ABCC1: variants seen among roughly 807,000 people sequenced by gnomAD.
ABCC1 encodes multidrug resistance-associated protein 1.
Under a neutral mutation model 172.9 loss-of-function variants are expected in ABCC1, and 83 were observed. The observed-to-expected ratio is 0.48, with a 90% CI of 0.40 to 0.58. ABCC1 has a LOEUF of 0.58. Ranked by LOEUF, ABCC1 falls within the 20% of genes least tolerant of loss-of-function variation. The pLI is 0.00. For synonymous variants in ABCC1, 937 were observed against 825.2 expected (o/e 1.14, Z -2.32); for missense variants, 1,817 against 2,002.7 (o/e 0.91, Z 1.77).
chr16:16,021,281 A>T (rs2048183464), intron 5 of ABCC1, among the ~76,000 whole-genome samples: 1 of 151,664 alleles, frequency 6.6e-6, no homozygotes, highest in East Asian at 1.9e-4. Context: ...GTATGCACAG[A>T]TGTTCTGAAG....
chr16:15,976,483 A>T (rs983153432), intron 1 of ABCC1, among the ~76,000 whole-genome samples: 3 of 152,150 alleles, frequency 2.0e-5, no homozygotes, highest in African/African-American at 7.2e-5. Flanking sequence ...TGACAGGACT[A>T]GACTGAAACC....
At chr16:16,131,046 G>A (rs1052390162) in intron 26 of ABCC1, among the ~76,000 whole-genome samples, 1 of 152,110 alleles carries the variant, frequency 6.6e-6, no homozygotes, top group Non-Finnish European at 1.5e-5. Flanking sequence ...GCTTGAACCT[G>A]GGAGGCAGGG....
intron 1 of ABCC1, among the ~76,000 whole-genome samples, chr16:15,997,194 C>T (rs1003473144): frequency 6.6e-5 from 10 of 150,990 alleles, no homozygotes; most frequent in South Asian, 2.1e-4. Context: ...TGGGTTCAAG[C>T]GATTCTCCTG....
At position 16,016,543 on chromosome 16, in the gene ABCC1, T is replaced by C. The variant is rs780398560; in HGVS notation, c.537T>C (p.Phe179=). ...LFRDITFYVY[F]SLLLIQLVLS... ...GTGACATCACTTTCTACGTCTACTTTTCCCTCTTACTCATTCAGCTCGTCT... is the reference window on the plus strand; with the variant it reads ...GTGACATCACTTTCTACGTCTACTTCTCCCTCTTACTCATTCAGCTCGTCT... Residue 179 remains phenylalanine (F), a synonymous_variant, in exon 5 of 31, where the codon TTT becomes TTC. Transcript: ENST00000399410. 15 of 1,614,182 alleles carry C rather than the reference T, an allele frequency of 9.3e-6. No homozygotes were observed. In the East Asian group the frequency reaches 3.1e-4, roughly 34 times the overall value.
chr16:16,098,526 G>A (rs1297846471), intron 19 of ABCC1, among the ~76,000 whole-genome samples: 2 of 152,230 alleles, frequency 1.3e-5, no homozygotes, highest in Non-Finnish European at 2.9e-5. Context: ...GGCTGAGGCT[G>A]GAGAATTGCT....
chr16:16,116,093 A>G (rs1034356702), intron 23 of ABCC1, among the ~76,000 whole-genome samples: 5 of 151,646 alleles, frequency 3.3e-5, no homozygotes, highest in African/African-American at 1.2e-4. Flanking sequence ...TTCAGTAGAG[A>G]CAAGGTTTCA....
rs368961550 is a variant in ABCC1, at chr16:16,125,818, G to A, written c.3726G>A (p.Thr1242=). ...GACTCTTCCACTCACAGGTCACCAC[G>A]TACTTGAACTGGCTGGTTCGGATGT... ...LSVSYSLQVT[T]YLNWLVRMSS... Residue 1242 remains threonine, a synonymous_variant, in exon 26 of 31, where the codon ACG becomes ACA. Transcript: ENST00000399410. 62 of 1,613,306 alleles carry A rather than the reference G, an allele frequency of 3.8e-5. No homozygotes were observed. Among genetic ancestry groups the A allele is most frequent in the African/African-American group, 3.1e-4 (23 of 74,958 alleles).
intron 12 of ABCC1, among the ~76,000 whole-genome samples, chr16:16,057,366 T>TAA (rs747489467): frequency 2.2e-4 from 29 of 133,156 alleles, no homozygotes; most frequent in South Asian, 4.8e-4. Context: ...CTCAAAAAAG[T>TAA]AAAAAAAAAA....
rs2048613691 is a variant in ABCC1, at chr16:16,033,111, T to C, written c.618T>C (p.Asn206=). ...PLFSETIHDP[N]PCPESSASFL... ...AACCTGTGCTTTCTTTCCACTAGAA[T>C]CCCTGCCCAGAGTCCAGCGCTTCCT... Residue 206 remains asparagine (N), a splice_region_variant and synonymous_variant, in exon 6 of 31, where the codon AAT becomes AAC. Coordinates refer to ENST00000399410, the MANE Select transcript of ABCC1 (RefSeq NM_004996.4). The C allele has an allele frequency of 3.1e-6, 5 of 1,614,130 alleles. No individual in the cohort carries two copies. Among genetic ancestry groups the C allele is most frequent in the Non-Finnish European group, 4.2e-6 (5 of 1,179,986 alleles).
chr16:16,068,255 C>T lies in ABCC1; in HGVS notation c.1777C>T (p.Arg593Trp), dbSNP rs748834989. Residue 593 changes from arginine (R) to tryptophan (W), a missense_variant, in exon 13 of 31, where the codon CGG becomes TGG. Physicochemically the swap from Arg to Trp is moderately radical, Grantham distance 101 (BLOSUM62 -3). This residue lies in a region of ABCC1 where 1,412 missense variants were observed against 1,600.3 expected (regional missense o/e 0.88). Coordinates refer to ENST00000399410, the MANE Select transcript of ABCC1 (RefSeq NM_004996.4). ...FVSLALFNIL[R>W]FPLNILPMVI... ...GTCTTTGGCCTTGTTCAACATCCTC[C>T]GGTTTCCCCTGAACATTCTCCCCAT... 5.6e-6 allele frequency: 9 copies of T among 1,614,130 alleles called. No individual in the cohort carries two copies. The highest frequency in any genetic ancestry group is 1.6e-4 in the Middle Eastern group (1 of 6,062).
At chr16:15,958,700 A>G (rs2046060565) in intron 1 of ABCC1, among the ~76,000 whole-genome samples, 1 of 152,198 alleles carries the variant, frequency 6.6e-6, no homozygotes, top group Non-Finnish European at 1.5e-5. Flanking sequence ...CCCCCCGCTT[A>G]GCAAGAAAAC....
chr16:16,102,517 C>T (rs528345007), intron 19 of ABCC1, 110 bp from the exon 20 acceptor site: 20 of 918,306 alleles, frequency 2.2e-5, no homozygotes, highest in African/African-American at 3.3e-5. Context: ...ATCATCCTGG[C>T]GGCCAGGTGC....
At chr16:15,989,152 C>T (rs979065247) in intron 1 of ABCC1, among the ~76,000 whole-genome samples, 4 of 151,898 alleles carry the variant, frequency 2.6e-5, no homozygotes, top group East Asian at 3.9e-4. Context: ...TTGTGGTACC[C>T]GCCTGGATAG....
chr16:16,018,544 G>A (rs1221795631), intron 5 of ABCC1, among the ~76,000 whole-genome samples: 1 of 151,990 alleles, frequency 6.6e-6, no homozygotes, highest in East Asian at 1.9e-4. Context: ...ATGAGACTCT[G>A]TCTCAAAAAA....
At chr16:16,061,111 G>GAT (rs1444066856) in intron 12 of ABCC1, among the ~76,000 whole-genome samples, 2 of 152,056 alleles carry the variant, frequency 1.3e-5, no homozygotes, top group Admixed American at 1.3e-4. Context: ...TTTTAGTAGA[G>GAT]ATGGGGTTTA....
chr16:15,985,180 T>C (rs2046715623), intron 1 of ABCC1, among the ~76,000 whole-genome samples: 1 of 152,226 alleles, frequency 6.6e-6, no homozygotes, highest in African/African-American at 2.4e-5. Flanking sequence ...CATCCCCAGC[T>C]TCTGCCATTC....
intron 1 of ABCC1, among the ~76,000 whole-genome samples, chr16:15,959,874 C>T (rs1289283974): frequency 6.6e-6 from 1 of 152,144 alleles, no homozygotes; most frequent in Non-Finnish European, 1.5e-5. Flanking sequence ...CTCTTCCTCT[C>T]TGTGAGTTTT....
In ABCC1 at chr16:16,136,628, G is replaced by C. The variant is rs1339331947; in HGVS notation, c.4276G>C (p.Gly1426Arg). The C allele has an allele frequency of 6.2e-7, 1 of 1,613,992 alleles. No homozygotes were observed. The highest frequency in any genetic ancestry group is 2.2e-5 in the East Asian group (1 of 44,880). The part of the protein sequence containing the change: ...PDKLDHECAE[G>R]GENLSVGQRQ... ...CAAGCTAGACCATGAATGTGCAGAA[G>C]GCGGGGAGAACCTCAGGTAGGCGGG... Residue 1426 changes from glycine (G) to arginine (R), a missense_variant, in exon 29 of 31, where the codon GGC becomes CGC. By Grantham distance (125) the Gly-to-Arg change is moderately radical. Around this residue, in one of 3 missense-constraint regions of ABCC1, gnomAD observed 1,412 missense variants for 1,600.3 expected, o/e 0.88. Transcript: ENST00000399410.
chr16:16,095,928 T>C (rs2051454749), intron 19 of ABCC1, among the ~76,000 whole-genome samples: 1 of 152,160 alleles, frequency 6.6e-6, no homozygotes, highest in Non-Finnish European at 1.5e-5. Flanking sequence ...TTAATGATTA[T>C]AAAAGCAACA....
Sources: allele counts gnomAD v4.1 joint callset (sites outside exome capture counted in the v4.1 genomes callset), GRCh38; gene constraint gnomAD v4.1.1; regional missense constraint gnomAD v4.1.1; transcripts MANE v1.5; gene names NCBI Gene and HGNC (gene_info 2026-07-23, HGNC 2026-07-21).